Variants in BAZ2B observed in about 807,000 individuals in gnomAD.
BAZ2B encodes the protein bromodomain adjacent to zinc finger domain protein 2B.
In BAZ2B, 91 loss-of-function variants were observed where a neutral mutation model predicts 246.0. The observed-to-expected ratio is 0.37, with a 90% confidence interval of 0.31 to 0.44. The LOEUF is 0.44. BAZ2B is among the 20% of genes least tolerant of loss of function. BAZ2B has a pLI of 1.00. For missense variants in BAZ2B, 2,332 were observed against 2,533.7 expected, an observed-to-expected ratio of 0.92 and a Z score of 1.71; for synonymous variants, 855 against 860.0, an observed-to-expected ratio of 0.99 and a Z score of 0.10.
At chr2:159,347,292 AT>A (rs2068033887) in intron 31 of BAZ2B, among the ~76,000 whole-genome samples, 193 bp downstream of exon 31, 1 of 152,132 alleles carries the variant, frequency 6.6e-6, no homozygotes. Context: ...CACTTACTAT[AT>A]GACCATTGGC....
chr2:159,567,836 G>C (rs1683013754), intron 1 of BAZ2B, among the ~76,000 whole-genome samples: 1 of 152,126 alleles, frequency 6.6e-6, no homozygotes, highest in Non-Finnish European at 1.5e-5. Context: ...GCTGGGCATG[G>C]TGGCACGCAT....
chr2:159,676,952 T>TTATATATATA, the BAZ2B span, among the ~76,000 whole-genome samples: 96 of 117,786 alleles, frequency 8.2e-4, no homozygotes, highest in East Asian at 1.8e-3. Context: ...AATAGTTTTG[T>TTATATATATA]TATATATATA....
At chr2:159,358,676 A>G (rs2059373398) in intron 27 of BAZ2B, among the ~76,000 whole-genome samples, 1 of 152,200 alleles carries the variant, frequency 6.6e-6, no homozygotes, top group African/African-American at 2.4e-5. Flanking sequence ...TCAGCACCAC[A>G]TCGCACTTAT....
intron 27 of BAZ2B, among the ~76,000 whole-genome samples, chr2:159,360,417 A>G (rs573938858): frequency 1.5e-4 from 23 of 152,320 alleles, no homozygotes; most frequent in East Asian, 3.9e-4. Context: ...GGACCTCTTC[A>G]AGGAGAACTA....
At chr2:159,480,179 G>A (rs992802829) in intron 2 of BAZ2B, among the ~76,000 whole-genome samples, 1 of 151,938 alleles carries the variant, frequency 6.6e-6, no homozygotes, top group Non-Finnish European at 1.5e-5. Context: ...TTAGGAAAAA[G>A]CTATTTTTTC....
chr2:159,545,057 T>C (rs2087146689), intron 2 of BAZ2B, among the ~76,000 whole-genome samples: 1 of 152,220 alleles, frequency 6.6e-6, no homozygotes, highest in African/African-American at 2.4e-5. Flanking sequence ...TGCTATATTA[T>C]TCGAGAGGAT....
intron 8 of BAZ2B, 56 bp from the exon 9 acceptor site, chr2:159,433,419 T>C: frequency 1.3e-6 from 2 of 1,487,072 alleles, no homozygotes; most frequent in Non-Finnish European, 1.8e-6. Context: ...CAAAGATTGC[T>C]TTTATTTGCT....
At chr2:159,700,538 C>T in the BAZ2B span, among the ~76,000 whole-genome samples, 6 of 152,156 alleles carry the variant, frequency 3.9e-5, no homozygotes, top group Admixed American at 1.3e-4. Flanking sequence ...CTCCGCCTCC[C>T]GGGTTCCAGT....
intron 2 of BAZ2B, 78 bp downstream of exon 2, chr2:159,555,745 T>C (rs933127839): frequency 2.6e-5 from 4 of 152,242 alleles, no homozygotes; most frequent in South Asian, 2.1e-4. Context: ...TTTCAAATTA[T>C]ATATGTTTTC....
chr2:159,703,596 A>G, the BAZ2B span, among the ~76,000 whole-genome samples: 1 of 152,170 alleles, frequency 6.6e-6, no homozygotes, highest in Non-Finnish European at 1.5e-5. Context: ...TTAAAATTCA[A>G]TTTTGGGCCA....
rs111395212 is a variant in BAZ2B, at chr2:159,420,482, C to CT, written c.2466+7458dup. On this transcript the variant is annotated intron_variant, in intron 13 of 36. Transcript: ENST00000392783. The stretch of plus-strand genomic sequence containing the variant: ...CTTCTTTGCATCTTTCAATTTTATG[C>CT]TTTTTTTGGGCCTGGTAACAGTAGA... 2.7e-3 allele frequency among the ~76,000 whole-genome samples: 407 copies of CT among 152,142 alleles called. 3 individuals are homozygous for CT. Among genetic ancestry groups the CT allele is most frequent in the African/African-American group, 9.1e-3 (378 of 41,522 alleles).
rs138415100 is a variant in BAZ2B, at chr2:159,615,009, C to T, written c.-46+1233G>A. Among the ~76,000 whole-genome samples, 254 of 152,076 alleles carry T rather than the reference C, an allele frequency of 1.7e-3. 8 individuals are homozygous for T. The East Asian group carries it at 0.043, about 25-fold the overall frequency. ...TAAAATTGCCCAAGATGGCGAAACG[C>T]TTGTTGTTTAGAGGGCAGGAAAAAA... On this transcript the variant is annotated intron_variant, in intron 1 of 36. Coordinates refer to ENST00000392783, the MANE Select transcript of BAZ2B (RefSeq NM_013450.4).
upstream of BAZ2B, among the ~76,000 whole-genome samples, chr2:159,621,280 T>A (rs538130353): frequency 6.6e-6 from 1 of 152,188 alleles, no homozygotes; most frequent in Non-Finnish European, 1.5e-5. Context: ...GAATTCACTA[T>A]GTGAATTCAA....
chr2:159,488,568 G>C (rs2080098879), intron 2 of BAZ2B, among the ~76,000 whole-genome samples: 1 of 151,942 alleles, frequency 6.6e-6, no homozygotes, highest in Admixed American at 6.6e-5. Flanking sequence ...TGTTAACGAT[G>C]GTTCTCAGAA....
chr2:159,497,609 CAA>C (rs2081299824), intron 2 of BAZ2B, among the ~76,000 whole-genome samples: 1 of 152,072 alleles, frequency 6.6e-6, no homozygotes, highest in Admixed American at 6.6e-5. Flanking sequence ...TAAACATTTT[CAA>C]TGATAGAAAC....
chr2:159,449,855 T>A (rs2074799452), intron 4 of BAZ2B, among the ~76,000 whole-genome samples: 2 of 152,168 alleles, frequency 1.3e-5, no homozygotes, highest in Admixed American at 1.3e-4. Context: ...GAAAGCTAAG[T>A]TCTACCTAGC....
chr2:159,349,174 C>A lies in BAZ2B; in HGVS notation c.4970G>T (p.Gly1657Val), dbSNP rs1007674541. 1 of 1,614,046 alleles carries A rather than the reference C, an allele frequency of 6.2e-7. No homozygotes were observed. Reference sequence around the variant, plus strand: ...ACCATTTCCTTCTGATAACCCTAACCCCGATCCTAGACTAGGTACAGATGA... The same window carrying A: ...ACCATTTCCTTCTGATAACCCTAACACCGATCCTAGACTAGGTACAGATGA... ...FTSSVPSLGS[G>V]LGLSEGNGNS... Residue 1657 changes from glycine (G) to valine (V), a missense_variant, in exon 29 of 37, where the codon GGG (glycine) becomes GTG (valine). This residue lies in a region of BAZ2B where 676 missense variants were observed against 668.6 expected (regional missense o/e 1.01). Transcript: ENST00000392783.
the BAZ2B span, chr2:159,710,668 T>C: frequency 6.6e-6 from 1 of 152,142 alleles, no homozygotes; most frequent in Non-Finnish European, 1.5e-5. Context: ...CTAGCACCAA[T>C]AAAAAACTAG....
intron 1 of BAZ2B, among the ~76,000 whole-genome samples, chr2:159,578,565 C>A (rs1397705708): frequency 6.6e-6 from 1 of 152,128 alleles, no homozygotes; most frequent in Non-Finnish European, 1.5e-5. Flanking sequence ...CAGCTCTGCA[C>A]CAAGCAGACC....
Sources: gnomAD v4.1 joint callset for allele counts (sites outside exome capture counted in the v4.1 genomes callset) on GRCh38, gnomAD v4.1.1 for gene constraint, gnomAD v4.1.1 regional missense constraint, MANE v1.5 for transcripts, NCBI Gene and HGNC (gene_info 2026-07-23, HGNC 2026-07-21) for gene names.